Variants in HORMAD2 observed in about 807,000 individuals in gnomAD.
HORMAD2 encodes the protein HORMA domain-containing protein 2.
HORMAD2 carries 45 observed loss-of-function variants against 38.8 expected under a neutral mutation model. The ratio of observed to expected loss-of-function variants is 1.16; its 90% CI spans 0.91 to 1.49. The LOEUF (loss-of-function observed/expected upper bound fraction) is 1.49. Ranked by LOEUF, HORMAD2 falls within the 40% of genes most tolerant of loss-of-function variation. The pLI, the probability that HORMAD2 is intolerant of heterozygous loss-of-function variation, is 0.00. For synonymous variants in HORMAD2, 126 were observed against 122.8 expected (o/e 1.03, Z -0.17); for missense variants, 338 against 367.0 (o/e 0.92, Z 0.65).
At chr22:30,084,311 G>A (rs1284841373) in intron 1 of HORMAD2, among the ~76,000 whole-genome samples, 1 of 152,162 alleles carries the variant, frequency 6.6e-6, no homozygotes, top group East Asian at 1.9e-4. Context: ...AGAGCAAGGA[G>A]AGAGAGAGTG....
At chr22:30,126,311 G>C (rs1196673430) in intron 10 of HORMAD2, among the ~76,000 whole-genome samples, 1 of 152,050 alleles carries the variant, frequency 6.6e-6, no homozygotes, top group Non-Finnish European at 1.5e-5. Flanking sequence ...TGGGACTACA[G>C]GCGCCCGCCA....
chr22:30,130,870 T>TA (rs1331023241), intron 10 of HORMAD2, among the ~76,000 whole-genome samples: 2 of 152,128 alleles, frequency 1.3e-5, no homozygotes, highest in Non-Finnish European at 2.9e-5. Flanking sequence ...GTGCTGGGAT[T>TA]ACAGGCAAGA....
At chr22:30,206,544 G>A in the HORMAD2 span, among the ~76,000 whole-genome samples, 1 of 152,074 alleles carries the variant, frequency 6.6e-6, no homozygotes, top group African/African-American at 2.4e-5. Context: ...GTGCAGTGGT[G>A]CGACCATAGC....
At chr22:30,171,214 C>T (rs187468870) in intron 10 of HORMAD2, among the ~76,000 whole-genome samples, 306 of 152,292 alleles carry the variant, frequency 2.0e-3, no homozygotes, top group African/African-American at 7.0e-3. Flanking sequence ...AGTTATCCTC[C>T]GTATGCTTAT....
chr22:30,190,476 T>A, the HORMAD2 span, among the ~76,000 whole-genome samples: 1 of 152,244 alleles, frequency 6.6e-6, no homozygotes, highest in East Asian at 1.9e-4. Flanking sequence ...CTGGTGTAAC[T>A]TTCGATGGCA....
intron 7 of HORMAD2, among the ~76,000 whole-genome samples, chr22:30,116,495 G>T (rs1184661717): frequency 6.6e-6 from 1 of 152,150 alleles, no homozygotes; most frequent in Non-Finnish European, 1.5e-5. Flanking sequence ...AGGAGAGGCT[G>T]CATATGTTGC....
intron 10 of HORMAD2, among the ~76,000 whole-genome samples, chr22:30,169,176 CA>C (rs940267014): frequency 6.6e-6 from 1 of 152,142 alleles, no homozygotes; most frequent in African/African-American, 2.4e-5. Context: ...CAGGCCTCCC[CA>C]GAAAGAACTG....
At chr22:30,194,094 GA>G in the HORMAD2 span, among the ~76,000 whole-genome samples, 1 of 152,042 alleles carries the variant, frequency 6.6e-6, no homozygotes, top group African/African-American at 2.4e-5. Flanking sequence ...TTACTTGAGA[GA>G]AAAAAGATTC....
rs370827053 is a variant in HORMAD2, at chr22:30,150,032, G to A, written c.820-26031G>A. On this transcript the variant is annotated intron_variant, in intron 10 of 10. Transcript: ENST00000336726. ...GTCTATTTTTATCCTTTTTTTTTGC[G>A]GTAGGCACTCAGTGTCTTTTAATCT... Among the ~76,000 whole-genome samples, 4 of 150,838 alleles carry A rather than the reference G, an allele frequency of 2.7e-5. 1 individual carries two copies. The highest frequency in any genetic ancestry group is 2.0e-4 in the Admixed American group (3 of 15,202).
chr22:30,200,393 T>G, the HORMAD2 span, among the ~76,000 whole-genome samples: 1 of 152,312 alleles, frequency 6.6e-6, no homozygotes, highest in East Asian at 1.9e-4. Context: ...TTGTGTAGTG[T>G]TCTTTATCAA....
intron 10 of HORMAD2, among the ~76,000 whole-genome samples, chr22:30,135,642 A>T (rs1356417711): frequency 6.6e-6 from 1 of 152,142 alleles, no homozygotes; most frequent in Non-Finnish European, 1.5e-5. Context: ...TCTCACAGGG[A>T]TGGGAGATGT....
At chr22:30,173,944 T>C (rs1215903346) in intron 10 of HORMAD2, among the ~76,000 whole-genome samples, 1 of 152,186 alleles carries the variant, frequency 6.6e-6, no homozygotes, top group Non-Finnish European at 1.5e-5. Context: ...GCTATCCTAT[T>C]TGTGCTTAAG....
chr22:30,093,048 A>G (rs1408766388), intron 1 of HORMAD2, among the ~76,000 whole-genome samples: 1 of 151,952 alleles, frequency 6.6e-6, no homozygotes, highest in Non-Finnish European at 1.5e-5. Flanking sequence ...TTTGACAGGG[A>G]TTGCATTTGA....
chr22:30,144,053 A>G (rs1297085537), intron 10 of HORMAD2, among the ~76,000 whole-genome samples: 1 of 152,172 alleles, frequency 6.6e-6, no homozygotes, highest in Non-Finnish European at 1.5e-5. Context: ...TTTCTTATAA[A>G]TTACCAAGCC....
At chr22:30,141,966 C>T (rs1221136705) in intron 10 of HORMAD2, among the ~76,000 whole-genome samples, 3 of 151,972 alleles carry the variant, frequency 2.0e-5, no homozygotes, top group South Asian at 2.1e-4. Flanking sequence ...ATACGGTTTA[C>T]GGGCTGGGTG....
chr22:30,129,836 A>G (rs765643210), intron 10 of HORMAD2, among the ~76,000 whole-genome samples: 1 of 152,130 alleles, frequency 6.6e-6, no homozygotes, highest in Non-Finnish European at 1.5e-5. Context: ...TGGATGAATC[A>G]TATTTTGATT....
At chr22:30,147,282 T>C (rs1235225578) in intron 10 of HORMAD2, among the ~76,000 whole-genome samples, 1 of 152,146 alleles carries the variant, frequency 6.6e-6, no homozygotes, top group Non-Finnish European at 1.5e-5. Flanking sequence ...GATAGACATA[T>C]AGATCAGTGG....
In HORMAD2 at chr22:30,155,654, C is replaced by G. The variant is rs1162767047; in HGVS notation, c.820-20409C>G. Among the ~76,000 whole-genome samples, 4 of 149,608 alleles carry G rather than the reference C, an allele frequency of 2.7e-5. No individual in the cohort carries two copies. The East Asian group carries it at 7.7e-4, about 29-fold the overall frequency. ...GAACTAGAGAATATATGTATGTACACAACACACACACACACACACATCTAT... is the reference window on the plus strand; with the variant it reads ...GAACTAGAGAATATATGTATGTACAGAACACACACACACACACACATCTAT... On this transcript the variant is annotated intron_variant, in intron 10 of 10. Transcript: ENST00000336726.
At chr22:30,199,948 A>G in the HORMAD2 span, among the ~76,000 whole-genome samples, 42 of 152,080 alleles carry the variant, frequency 2.8e-4, no homozygotes, top group African/African-American at 9.6e-4. Context: ...TGTCTCTACT[A>G]AAAATGCAAA....
Sources: gnomAD v4.1 joint callset for allele counts (sites outside exome capture counted in the v4.1 genomes callset) on GRCh38, gnomAD v4.1.1 for gene constraint, MANE v1.5 for transcripts, NCBI Gene and HGNC (gene_info 2026-07-23, HGNC 2026-07-21) for gene names.